Variants in DLGAP2 observed in about 807,000 individuals in gnomAD.
DLGAP2 encodes disks large-associated protein 2.
A neutral mutation model predicts 100.3 loss-of-function variants in DLGAP2; 26 were observed. The observed-to-expected ratio is 0.26, with a 90% CI of 0.19 to 0.36. The LOEUF is 0.36. DLGAP2 is among the 10% of genes least tolerant of loss of function. The probability of loss-of-function intolerance (pLI) is 1.00; values close to 1 mark genes in which losing one functional copy is unlikely to be tolerated. For missense variants in DLGAP2, 1,858 were observed against 1,453.2 expected (o/e 1.28, Z -4.53); for synonymous variants, 886 against 630.1 (o/e 1.41, Z -6.08).
At chr8:1,349,571 G>T (rs1801656595) in intron 3 of DLGAP2, among the ~76,000 whole-genome samples, 1 of 139,520 alleles carries the variant, frequency 7.2e-6, no homozygotes, top group Non-Finnish European at 1.5e-5. Context: ...GATAGGAAGG[G>T]GTGTTTGAGG....
rs750848310 is a variant in DLGAP2 at position 1,701,391 on chromosome 8, C to G, written c.3153C>G (p.Ala1051=). Residue 1051 remains alanine (A), a synonymous_variant, in exon 15 of 15, where the codon GCC becomes GCG. Transcript: ENST00000637795. ...GCATCGAGATCTACATCCCCGAGGC[C>G]CAGACCCGGCTCTGAGGGCGGAGGC... ...ADSIEIYIPE[A]QTRL The G allele has an allele frequency of 2.6e-5, 42 of 1,592,936 alleles. No homozygotes were observed. The highest frequency in any genetic ancestry group is 3.4e-5 in the Non-Finnish European group (40 of 1,170,768).
Position 1,012,956 on chromosome 8 carries a change from G to C in DLGAP2, c.73+104990G>C, listed in dbSNP as rs116603856. On this transcript the variant is annotated intron_variant, in intron 2 of 14. Transcript: ENST00000637795. ...TTTAACCTCTCTGCAAACAGAGGGG[G>C]TCCCTGCCAGTGTGGCTTCAGTTTT... 5.6e-3 allele frequency among the ~76,000 whole-genome samples: 853 copies of C among 152,258 alleles called. 7 individuals are homozygous for C. The highest frequency in any genetic ancestry group is 0.019 in the African/African-American group (804 of 41,552).
intron 6 of DLGAP2, chr8:1,622,328 A>G (rs1275768665): frequency 6.6e-6 from 1 of 152,240 alleles, no homozygotes; most frequent in Non-Finnish European, 1.5e-5. Context: ...ATATCTCCTT[A>G]GCACAACCTG....
intron 3 of DLGAP2, among the ~76,000 whole-genome samples, chr8:1,389,314 G>C (rs1563121513): frequency 1.4e-5 from 2 of 139,796 alleles, no homozygotes; most frequent in African/African-American, 5.1e-5. Context: ...ATGGGAAGGC[G>C]ACGTGGCTTC....
chr8:1,451,467 A>T (rs746360049), intron 3 of DLGAP2, among the ~76,000 whole-genome samples: 1 of 151,708 alleles, frequency 6.6e-6, no homozygotes, highest in Non-Finnish European at 1.5e-5. Context: ...CGCTGGTGCC[A>T]GGGTCCCTGT....
At chr8:1,295,839 C>G (rs947608801) in intron 3 of DLGAP2, among the ~76,000 whole-genome samples, 3 of 152,152 alleles carry the variant, frequency 2.0e-5, no homozygotes, top group Non-Finnish European at 4.4e-5. Context: ...CAGAAGCCAT[C>G]ATTTACACAC....
chr8:1,479,270 C>T (rs558772794), intron 3 of DLGAP2, among the ~76,000 whole-genome samples: 85 of 152,274 alleles, frequency 5.6e-4, no homozygotes, highest in Middle Eastern at 6.8e-3. Flanking sequence ...CCAAACCAGG[C>T]GGGGATTGGG....
At chr8:1,362,525 G>A (rs930276369) in intron 3 of DLGAP2, among the ~76,000 whole-genome samples, 6 of 152,108 alleles carry the variant, frequency 3.9e-5, no homozygotes, top group Non-Finnish European at 7.4e-5. Context: ...TGGTCCCCGT[G>A]AGCCTTGGCT....
intron 3 of DLGAP2, among the ~76,000 whole-genome samples, chr8:1,308,660 G>A (rs1037122151): frequency 5.9e-5 from 9 of 152,020 alleles, no homozygotes; most frequent in African/African-American, 1.9e-4. Flanking sequence ...TGACTAGTTG[G>A]GACTACAGGT....
At chr8:1,457,183 A>G (rs1798339459) in intron 3 of DLGAP2, among the ~76,000 whole-genome samples, 1 of 152,150 alleles carries the variant, frequency 6.6e-6, no homozygotes, top group Admixed American at 6.5e-5. Context: ...CCTTTTGTGT[A>G]TTCGTTTTCA....
At chr8:1,531,431 C>G (rs1003485694) in intron 4 of DLGAP2, among the ~76,000 whole-genome samples, 4 of 152,000 alleles carry the variant, frequency 2.6e-5, no homozygotes, top group Admixed American at 6.6e-5. Flanking sequence ...AGTGGTTTGA[C>G]TGTTAGTGAG....
chr8:1,369,986 G>T (rs948114991), intron 3 of DLGAP2, among the ~76,000 whole-genome samples: 15 of 152,172 alleles, frequency 9.9e-5, no homozygotes, highest in Non-Finnish European at 2.2e-4. Flanking sequence ...GGGCCTTAGG[G>T]CTTCTTCACG....
chr8:1,039,294 C>T (rs1014013994), intron 2 of DLGAP2, among the ~76,000 whole-genome samples: 9 of 145,260 alleles, frequency 6.2e-5, no homozygotes, highest in East Asian at 2.1e-4. Flanking sequence ...ATGGTCGGCT[C>T]GGTTTCCATG....
At chr8:802,851 C>T (rs930690648) in intron 1 of DLGAP2, among the ~76,000 whole-genome samples, 7 of 152,144 alleles carry the variant, frequency 4.6e-5, no homozygotes, top group Non-Finnish European at 7.3e-5. Flanking sequence ...GGAGCGAACT[C>T]GTTTGCAGCA....
intron 3 of DLGAP2, among the ~76,000 whole-genome samples, chr8:1,483,409 C>G (rs1799151957): frequency 6.6e-6 from 1 of 152,174 alleles, no homozygotes; most frequent in Non-Finnish European, 1.5e-5. Flanking sequence ...CTGCTGTTGG[C>G]TTGACGGACC....
chr8:1,230,063 A>G (rs547496311), intron 2 of DLGAP2, among the ~76,000 whole-genome samples: 1 of 152,244 alleles, frequency 6.6e-6, no homozygotes, highest in Non-Finnish European at 1.5e-5. Context: ...TAAAACAGGA[A>G]GTCAAACTAT....
intron 4 of DLGAP2, among the ~76,000 whole-genome samples, chr8:1,525,604 T>G (rs918567760): frequency 6.6e-6 from 1 of 152,216 alleles, no homozygotes; most frequent in Non-Finnish European, 1.5e-5. Flanking sequence ...GATCCAACCA[T>G]GTGCGAATCG....
chr8:817,838 G>A (rs1796513659), intron 1 of DLGAP2, among the ~76,000 whole-genome samples: 1 of 152,226 alleles, frequency 6.6e-6, no homozygotes, highest in Non-Finnish European at 1.5e-5. Context: ...TTGCAGATGT[G>A]GATACCAGCA....
chr8:775,035 T>G (rs1196025044), intron 1 of DLGAP2, among the ~76,000 whole-genome samples: 2 of 152,148 alleles, frequency 1.3e-5, no homozygotes, highest in Non-Finnish European at 2.9e-5. Context: ...TGAGCAGTGG[T>G]TTGTAGTTCT....
Sources: gnomAD v4.1 joint callset for allele counts (sites outside exome capture counted in the v4.1 genomes callset) on GRCh38, gnomAD v4.1.1 for gene constraint, MANE v1.5 for transcripts, NCBI Gene and HGNC (gene_info 2026-07-23, HGNC 2026-07-21) for gene names.